The following AIFM1 variants were observed in gnomAD, a reference collection of about 807,000 sequenced individuals.
The protein encoded by AIFM1 is apoptosis inducing factor mitochondria associated 1, also known as apoptosis-inducing factor 1, mitochondrial.
A neutral mutation model predicts 51.7 loss-of-function variants in AIFM1; 3 were observed. That is an observed-to-expected ratio of 0.06 (90% CI 0.03 to 0.15). The LOEUF (loss-of-function observed/expected upper bound fraction) is 0.15, where lower values mean the gene tolerates loss of function less well. Ranked by LOEUF, AIFM1 falls within the 10% of genes least tolerant of loss-of-function variation. The pLI is 1.00. For missense variants in AIFM1, 330 were observed against 476.8 expected, an observed-to-expected ratio of 0.69 and a Z score of 2.87; for synonymous variants, 178 against 179.4, an observed-to-expected ratio of 0.99 and a Z score of 0.06.
intron 15 of AIFM1, 45 bp from the exon 16 acceptor site, chrX:130,129,673 C>T (rs759903195): frequency 4.8e-5 from 53 of 1,115,453 alleles, no homozygotes; most frequent in Middle Eastern, 4.8e-4. Context: ...TACTCCATTG[C>T]GTTCAGGCCA....
chrX:130,150,375 G>A (rs1363603631), intron 2 of AIFM1, among the ~76,000 whole-genome samples: 10 of 69,495 alleles, frequency 1.4e-4, no homozygotes, highest in African/African-American at 5.6e-4. Context: ...TCGCTCTGTT[G>A]CCCAGGCTGG....
At chrX:130,148,081 T>C (rs1049057627) in intron 3 of AIFM1, among the ~76,000 whole-genome samples, 4 of 112,167 alleles carry the variant, frequency 3.6e-5, no homozygotes, top group Admixed American at 1.9e-4. Context: ...AAGTGAAAAA[T>C]AGGAGAATGA....
chrX:130,165,093 AT>A (rs1040732214), intron 1 of AIFM1, among the ~76,000 whole-genome samples: 6 of 110,400 alleles, frequency 5.4e-5, no homozygotes, highest in African/African-American at 2.0e-4. Context: ...TTCACTGGGC[AT>A]TCAAATCCAT....
At chrX:130,165,481 G>A in intron 1 of AIFM1, 70 bp downstream of exon 1, 1 of 914,727 alleles carries the variant, frequency 1.1e-6, no homozygotes, top group Non-Finnish European at 1.6e-6. Flanking sequence ...GGGGTAGAGG[G>A]CTGCAAGGCA....
chrX:130,163,304 C>CAA (rs10708248), intron 1 of AIFM1, among the ~76,000 whole-genome samples: 17 of 66,812 alleles, frequency 2.5e-4, no homozygotes, highest in African/African-American at 7.0e-4. Context: ...GACTCCGCCT[C>CAA]AAAAAAAAAA....
chrX:130,132,742 C>CTT (rs898776932), intron 13 of AIFM1, among the ~76,000 whole-genome samples: 140 of 69,818 alleles, frequency 2.0e-3, no homozygotes, highest in African/African-American at 4.5e-3. Flanking sequence ...TCTGACACTC[C>CTT]TTTTTTTTTT....
intron 2 of AIFM1, among the ~76,000 whole-genome samples, chrX:130,151,228 C>T (rs897638465): frequency 1.0e-4 from 11 of 108,440 alleles, no homozygotes; most frequent in Non-Finnish European, 1.9e-4. Flanking sequence ...ACAACCTCTG[C>T]CTCCTGGGTT....
At chrX:130,148,849 A>G (rs2030851444) in intron 3 of AIFM1, among the ~76,000 whole-genome samples, 1 of 106,798 alleles carries the variant, frequency 9.4e-6, no homozygotes, top group South Asian at 4.0e-4. Context: ...AAAAAAAAAA[A>G]AAAAAAAAAA....
chrX:130,161,371 C>T (rs941894561), intron 1 of AIFM1, among the ~76,000 whole-genome samples: 7 of 108,330 alleles, frequency 6.5e-5, no homozygotes, highest in African/African-American at 1.0e-4. Context: ...ATTAGCTGGG[C>T]GTGGTGGCAG....
intron 2 of AIFM1, among the ~76,000 whole-genome samples, chrX:130,154,757 C>T (rs1199412755): frequency 2.7e-5 from 3 of 112,430 alleles, no homozygotes; most frequent in East Asian, 2.8e-4. Context: ...TTACATTTTA[C>T]CTAAAATGAT....
intron 12 of AIFM1, among the ~76,000 whole-genome samples, chrX:130,135,767 G>A (rs1208322178): frequency 8.9e-6 from 1 of 111,943 alleles, no homozygotes; most frequent in Admixed American, 9.5e-5. Context: ...ATGCCCACCA[G>A]GGGTTATGCC....
At chrX:130,145,253 T>G (rs1157793872) in intron 6 of AIFM1, among the ~76,000 whole-genome samples, 1 of 111,993 alleles carries the variant, frequency 8.9e-6, no homozygotes, top group African/African-American at 3.2e-5. Context: ...ATAGGAGAGA[T>G]AACAGCTTTT....
At chrX:130,146,315 G>A (rs1295581080) in intron 5 of AIFM1, among the ~76,000 whole-genome samples, 3 of 109,037 alleles carry the variant, frequency 2.8e-5, no homozygotes, top group Non-Finnish European at 3.8e-5. Context: ...GTGGTGGTAC[G>A]CACCTGTAGT....
chrX:130,140,881 C>T (rs777841215), intron 6 of AIFM1, among the ~76,000 whole-genome samples: 2 of 112,260 alleles, frequency 1.8e-5, no homozygotes, highest in East Asian at 5.6e-4. Flanking sequence ...CTTTGGGAGG[C>T]TGAGGCAGGC....
At chrX:130,142,756 G>A (rs1057224469) in intron 6 of AIFM1, among the ~76,000 whole-genome samples, 2 of 110,935 alleles carry the variant, frequency 1.8e-5, no homozygotes, top group African/African-American at 6.6e-5. Flanking sequence ...AGCGATTCTC[G>A]TGCTTCAGCC....
intron 15 of AIFM1, 92 bp downstream of exon 15, chrX:130,129,878 G>A (rs2029989086): frequency 1.9e-6 from 2 of 1,064,372 alleles, no homozygotes; most frequent in African/African-American, 3.7e-5. Flanking sequence ...CCTGGCCGGG[G>A]GACAATGCAT....
intron 1 of AIFM1, among the ~76,000 whole-genome samples, chrX:130,160,883 AAAATAAATAAAT>A (rs754564979): frequency 1.6e-4 from 17 of 107,070 alleles, no homozygotes; most frequent in South Asian, 3.9e-4. Context: ...TCTCTACTTA[AAAATAAATAAAT>A]AAATAAATAA....
chrX:130,136,672 A>G lies in AIFM1; in HGVS notation c.1135T>C (p.Leu379=). 8.3e-7 allele frequency: 1 copy of G among 1,210,688 alleles called. No homozygotes were observed. Among genetic ancestry groups the G allele is most frequent in the Non-Finnish European group, 1.1e-6 (1 of 895,144 alleles). ...VQSVGVSSGK[L]LIKLKDGRKV... is the part of the protein sequence containing the mutation. ...CTGCCGTCTTTCAGCTTGATAAGTAACTTGCCACTGCTGACTCCAACGGAT... is the reference window on the plus strand; with the variant it reads ...CTGCCGTCTTTCAGCTTGATAAGTAGCTTGCCACTGCTGACTCCAACGGAT... Residue 379 remains leucine, a synonymous_variant, in exon 11 of 16, where the codon TTA becomes CTA. Transcript: ENST00000287295.
intron 12 of AIFM1, among the ~76,000 whole-genome samples, chrX:130,135,757 A>T (rs1160723405): frequency 8.9e-6 from 1 of 112,010 alleles, no homozygotes. Flanking sequence ...GCTTATGTGC[A>T]TGCCCACCAG....
Sources: allele counts gnomAD v4.1 joint callset (sites outside exome capture counted in the v4.1 genomes callset), GRCh38; gene constraint gnomAD v4.1.1; transcripts MANE v1.5; gene names NCBI Gene and HGNC (gene_info 2026-07-23, HGNC 2026-07-21).